Variants in THAP2 observed in about 807,000 individuals in gnomAD.
THAP2 encodes the protein THAP domain-containing protein 2.
In THAP2, 16 loss-of-function variants were observed where a neutral mutation model predicts 18.8. The ratio of observed to expected loss-of-function variants is 0.85; its 90% CI spans 0.58 to 1.29. THAP2 has a LOEUF of 1.29. Ranked by LOEUF, THAP2 falls within the 50% of genes most tolerant of loss-of-function variation. The pLI is 0.00. For missense variants in THAP2, 251 were observed against 265.3 expected (o/e 0.95, Z 0.38); for synonymous variants, 80 against 89.2 (o/e 0.90, Z 0.58).
chr12:71,670,029 A>T (rs1009766289), intron 1 of THAP2, among the ~76,000 whole-genome samples: 1 of 152,054 alleles, frequency 6.6e-6, no homozygotes, highest in South Asian at 2.1e-4. Flanking sequence ...AGTGATATAC[A>T]GATGTTAGTA....
At position 71,677,617 on chromosome 12, in the gene THAP2, T is replaced by C. The variant is rs1881541808; in HGVS notation, c.*509T>C. ...CAAGTTTTTAAATTAAAACTTTCTA[T>C]ATTTTGTTTTACCAGTAAAAGTGAG... On this transcript the variant is annotated 3_prime_UTR_variant, in exon 3 of 3. Transcript: ENST00000308086. 1 of 152,306 alleles carries C rather than the reference T, an allele frequency of 6.6e-6. No individual in the cohort carries two copies. The highest frequency in any genetic ancestry group is 1.5e-5 in the Non-Finnish European group (1 of 68,008). The allele number at this position is 152,306 out of a possible 1,614,324, so 9.4% of individuals were successfully genotyped here.
In THAP2 at chr12:71,666,076, A is replaced by C. The variant is rs150931373; in HGVS notation, c.71+1496A>C. 1.2e-3 allele frequency among the ~76,000 whole-genome samples: 176 copies of C among 152,324 alleles called. 1 individual carries two copies. Among genetic ancestry groups the C allele is most frequent in the African/African-American group, 4.0e-3 (167 of 41,580 alleles). On this transcript the variant is annotated intron_variant, in intron 1 of 2. Coordinates refer to ENST00000308086, the MANE Select transcript of THAP2 (RefSeq NM_031435.4). ...GGAAGCTGTAGTAAATAAAACAAGG[A>C]AAGTCCACCCAAATTTCTAGACTAG...
chr12:71,670,425 A>G (rs1019114315), intron 1 of THAP2, among the ~76,000 whole-genome samples: 1 of 152,162 alleles, frequency 6.6e-6, no homozygotes, highest in African/African-American at 2.4e-5. Context: ...TACACACTGG[A>G]TGCATATCAG....
chr12:71,674,416 C>T lies in THAP2; in HGVS notation c.267+18C>T. 1.9e-6 allele frequency: 3 copies of T among 1,546,554 alleles called. No homozygotes were observed. The highest frequency in any genetic ancestry group is 1.2e-5 in the South Asian group (1 of 82,708). ...AGTCTATGGTAGGTAATGTTACTCT[C>T]CTTTTGTTAAAACCATTTTTAGAAC... On this transcript the variant is annotated intron_variant, in intron 2 of 2. Transcript: ENST00000308086.
At chr12:71,674,797 G>A (rs1038791058) in intron 2 of THAP2, among the ~76,000 whole-genome samples, 2 of 152,072 alleles carry the variant, frequency 1.3e-5, no homozygotes, top group African/African-American at 4.8e-5. Context: ...GAGGGAGGCA[G>A]GCATGACAGA....
chr12:71,664,914 C>T (rs902432920), intron 1 of THAP2: 1 of 702,222 alleles, frequency 1.4e-6, no homozygotes, highest in African/African-American at 1.7e-5. Flanking sequence ...AAGAGATCTT[C>T]CCAATCAGCA....
chr12:71,673,233 A>C (rs1881470812), intron 1 of THAP2, among the ~76,000 whole-genome samples: 1 of 152,182 alleles, frequency 6.6e-6, no homozygotes, highest in Non-Finnish European at 1.5e-5. Flanking sequence ...AGTAAATGAT[A>C]AAATAGACTG....
chr12:71,665,269 G>T (rs1465710), intron 1 of THAP2: 3,042 of 283,034 alleles, frequency 0.011, 82 homozygotes, highest in African/African-American at 0.062. Flanking sequence ...GCAAGTGCCT[G>T]CCACGTGCCC....
chr12:71,669,322 T>C (rs1181114390), intron 1 of THAP2, among the ~76,000 whole-genome samples: 1 of 152,234 alleles, frequency 6.6e-6, no homozygotes, highest in African/African-American at 2.4e-5. Flanking sequence ...CTAAACAGTC[T>C]TAAGTAGAAT....
At position 71,676,745 on chromosome 12, in the gene THAP2, A is replaced by G. The variant is rs1227971548; in HGVS notation, c.324A>G (p.Pro108=). Reference sequence around the variant, plus strand: ...ACAACAGTTGTTCTCCAGCTGGACCATCTAATTTAAAATCAAACATTAGTA... The same window carrying G: ...ACAACAGTTGTTCTCCAGCTGGACCGTCTAATTTAAAATCAAACATTAGTA... ...KKNNSCSPAG[P]SNLKSNISSQ... The change falls in exon 3 of 3, where the codon CCA becomes CCG. Residue 108 remains proline (P), a synonymous_variant. Coordinates refer to ENST00000308086, the MANE Select transcript of THAP2 (RefSeq NM_031435.4). 1 of 1,608,114 alleles carries G rather than the reference A, an allele frequency of 6.2e-7. No individual in the cohort carries two copies. The highest frequency in any genetic ancestry group is 1.1e-5 in the South Asian group (1 of 89,354).
At chr12:71,669,326 G>A (rs1881394729) in intron 1 of THAP2, among the ~76,000 whole-genome samples, 2 of 152,198 alleles carry the variant, frequency 1.3e-5, no homozygotes, top group Admixed American at 6.5e-5. Flanking sequence ...ACAGTCTTAA[G>A]TAGAATTTGG....
chr12:71,667,017 C>T (rs963039697), intron 1 of THAP2, among the ~76,000 whole-genome samples: 1 of 152,212 alleles, frequency 6.6e-6, no homozygotes, highest in African/African-American at 2.4e-5. Flanking sequence ...CAGGCGTAAG[C>T]CACCACGCCT....
chr12:71,670,442 G>C (rs868187029), intron 1 of THAP2, among the ~76,000 whole-genome samples: 3 of 152,138 alleles, frequency 2.0e-5, no homozygotes, highest in Admixed American at 6.5e-5. Context: ...TCAGTGTACA[G>C]TTGACCCTTG....
rs1213864120 is a variant in THAP2, at chr12:71,664,564, A to G, written c.55A>G (p.Asn19Asp). Residue 19 changes from asparagine to aspartate, a missense_variant, in exon 1 of 3, where the codon AAC becomes GAC. Physicochemically the swap from Asn to Asp is conservative, Grantham distance 23. Coordinates refer to ENST00000308086, the MANE Select transcript of THAP2 (RefSeq NM_031435.4). ...TGCCACTACCTACAACAAGCACATTAACATCAGCTTCCACAGGTAACCTGG... is the reference window on the plus strand; with the variant it reads ...TGCCACTACCTACAACAAGCACATTGACATCAGCTTCCACAGGTAACCTGG... ...GCATTYNKHINISFHRFPLDP... is the reference protein window; with the variant it reads ...GCATTYNKHIDISFHRFPLDP... 6.2e-7 allele frequency: 1 copy of G among 1,614,200 alleles called. No individual in the cohort carries two copies. The highest frequency in any genetic ancestry group is 1.1e-5 in the South Asian group (1 of 91,090).
At chr12:71,676,590 A>G (rs1881523388) in intron 2 of THAP2, 99 bp from the exon 3 acceptor site, 1 of 1,249,528 alleles carries the variant, frequency 8.0e-7, no homozygotes, top group Non-Finnish European at 1.1e-6. Flanking sequence ...TTGACTTTTA[A>G]AAGAGCAGTT....
Position 71,664,503 on chromosome 12 carries a change from A to G in THAP2, c.-7A>G, listed in dbSNP as rs1249753754. 1 of 1,614,022 alleles carries G rather than the reference A, an allele frequency of 6.2e-7. No individual in the cohort carries two copies. The highest frequency in any genetic ancestry group is 1.3e-5 in the African/African-American group (1 of 74,912). On this transcript the variant is annotated 5_prime_UTR_variant, in exon 1 of 3. Coordinates refer to ENST00000308086, the MANE Select transcript of THAP2 (RefSeq NM_031435.4). ...ACCTAAGGGCGCTGAATGAGTGGGAAAGGGAAATGCCGACCAATTGCGCTG... is the reference window on the plus strand; with the variant it reads ...ACCTAAGGGCGCTGAATGAGTGGGAGAGGGAAATGCCGACCAATTGCGCTG...
Position 71,669,815 on chromosome 12 carries a change from C to A in THAP2, c.72-4388C>A, listed in dbSNP as rs370054379. On this transcript the variant is annotated intron_variant, in intron 1 of 2. Coordinates refer to ENST00000308086, the MANE Select transcript of THAP2 (RefSeq NM_031435.4). ...ACTAAAAATATAGAAAAAAAATTAG[C>A]CAGGTGTGGTGGGCACCTATAATCC... Among the ~76,000 whole-genome samples the A allele has an allele frequency of 1.4e-4, 21 of 151,962 alleles. No individual in the cohort carries two copies. In the East Asian group the frequency reaches 2.1e-3, roughly 15 times the overall value.
chr12:71,677,893 A>T lies in THAP2; in HGVS notation c.*785A>T, dbSNP rs552151013. 6.6e-6 allele frequency: 1 copy of T among 152,292 alleles called. No individual in the cohort carries two copies. Among genetic ancestry groups the T allele is most frequent in the South Asian group, 2.1e-4 (1 of 4,824 alleles). The allele number at this position is 152,292 out of a possible 1,614,324, so 9.4% of individuals were successfully genotyped here. On this transcript the variant is annotated 3_prime_UTR_variant, in exon 3 of 3. Transcript: ENST00000308086. The stretch of plus-strand genomic sequence containing the variant: ...TAAAAATCTTACATTTCCAACTTCA[A>T]AATTGGTGCTTCCATATTTGTTGAT...
chr12:71,665,167 A>G (rs755299688), intron 1 of THAP2: 18 of 541,838 alleles, frequency 3.3e-5, no homozygotes, highest in Non-Finnish European at 5.5e-5. Flanking sequence ...AGAAAAATCA[A>G]AATTCTTTAG....
Sources: allele counts gnomAD v4.1 joint callset (sites outside exome capture counted in the v4.1 genomes callset), GRCh38; gene constraint gnomAD v4.1.1; transcripts MANE v1.5; gene names NCBI Gene and HGNC (gene_info 2026-07-23, HGNC 2026-07-21).